Variants in ADH5 observed in about 807,000 individuals in gnomAD.
ADH5 encodes alcohol dehydrogenase 5 (class III), chi polypeptide, also known as alcohol dehydrogenase class-3.
ADH5 carries 32 observed loss-of-function variants against 40.3 expected under a neutral mutation model. That is an observed-to-expected ratio of 0.79 (90% CI 0.60 to 1.07). ADH5 has a LOEUF of 1.07. ADH5 is among the 50% of genes least tolerant of loss of function. The pLI, the probability that ADH5 is intolerant of heterozygous loss-of-function variation, is 0.00. For synonymous variants in ADH5, 125 were observed against 154.3 expected (o/e 0.81, Z 1.41); for missense variants, 353 against 460.5 (o/e 0.77, Z 2.14).
intron 1 of ADH5, among the ~76,000 whole-genome samples, chr4:99,087,347 A>C (rs540964081): frequency 8.0e-6 from 1 of 125,734 alleles, no homozygotes; most frequent in South Asian, 2.8e-4. Context: ...GCGCTATCGC[A>C]CTCCAGCCTG....
At chr4:99,081,922 C>T (rs1401324038) in intron 3 of ADH5, 53 bp downstream of exon 3, 1 of 1,593,910 alleles carries the variant, frequency 6.3e-7, no homozygotes, top group Non-Finnish European at 8.6e-7. Flanking sequence ...AAACAATTTC[C>T]CCATAGGAAT....
rs548975462 is a variant in ADH5, at chr4:99,072,059, C to T, written c.*358G>A. ...TTTCTGAGGTTTCAGACACCCACCA[C>T]TGCCCTGCTTCCTTTCCCTTTCCCT... is the stretch of plus-strand genomic sequence containing the variant. On this transcript the variant is annotated 3_prime_UTR_variant, in exon 9 of 9. Coordinates refer to ENST00000296412, the MANE Select transcript of ADH5 (RefSeq NM_000671.4). 9.4e-5 allele frequency: 20 copies of T among 212,036 alleles called. No homozygotes were observed. The highest frequency in any genetic ancestry group is 2.8e-5 in the Non-Finnish European group (3 of 108,006). The allele number at this position is 212,036 out of a possible 1,614,324, so 13.1% of individuals were successfully genotyped here.
In ADH5 at chr4:99,076,344, G is replaced by T. The variant is rs1727928801; in HGVS notation, c.773C>A (p.Thr258Asn). The T allele has an allele frequency of 4.3e-6, 7 of 1,613,886 alleles. No homozygotes were observed. The highest frequency in any genetic ancestry group is 5.9e-6 in the Non-Finnish European group (7 of 1,179,964). The stretch of plus-strand genomic sequence containing the variant: ...AAAGGAATAGTCCACTCCTCCATCG[G>T]TCATCTCAATGAGCACTTCCTGGAT... Reference protein sequence around the residue: ...KPIQEVLIEMTDGGVDYSFEC... With the variant: ...KPIQEVLIEMNDGGVDYSFEC... The change falls in exon 6 of 9, where the codon ACC becomes AAC. Residue 258 changes from threonine (T) to asparagine (N), a missense_variant. By Grantham distance (65) the Thr-to-Asn change is moderately conservative. Coordinates refer to ENST00000296412, the MANE Select transcript of ADH5 (RefSeq NM_000671.4).
At chr4:99,081,232 C>G in intron 4 of ADH5, 133 bp downstream of exon 4, 1 of 641,820 alleles carries the variant, frequency 1.6e-6, no homozygotes, top group Non-Finnish European at 2.7e-6. Context: ...GGGACTCAGT[C>G]CTTTGAACGT....
chr4:99,086,939 C>CTA (rs1728149714), intron 1 of ADH5, among the ~76,000 whole-genome samples: 1 of 64,268 alleles, frequency 1.6e-5, no homozygotes, highest in Non-Finnish European at 2.6e-5. Flanking sequence ...GACTGCGTCT[C>CTA]AAAAAAAAAA....
chr4:99,082,804 G>C lies in ADH5; in HGVS notation c.115-688C>G, dbSNP rs55686882. ...TGATTCTCCTGCTTCAGCCTTCTGA[G>C]TAGCTGGGACTGCAGGCGCGTACCA... On this transcript the variant is annotated intron_variant, in intron 2 of 8. Coordinates refer to ENST00000296412, the MANE Select transcript of ADH5 (RefSeq NM_000671.4). Among the ~76,000 whole-genome samples the C allele has an allele frequency of 6.9e-3, 1,053 of 152,262 alleles. 13 individuals carry two copies. The highest frequency in any genetic ancestry group is 0.024 in the African/African-American group (990 of 41,558).
At chr4:99,084,745 C>T (rs1162824709) in intron 2 of ADH5, among the ~76,000 whole-genome samples, 1 of 152,174 alleles carries the variant, frequency 6.6e-6, no homozygotes, top group Non-Finnish European at 1.5e-5. Context: ...AGAATAAGGA[C>T]CCCTTTCTGG....
intron 4 of ADH5, 87 bp from the exon 5 acceptor site, chr4:99,077,010 G>T: frequency 1.0e-6 from 1 of 955,946 alleles, no homozygotes; most frequent in Non-Finnish European, 1.5e-6. Context: ...ATAATGACCA[G>T]TAAATATTAA....
chr4:99,073,400 G>C (rs1034363572), intron 7 of ADH5, among the ~76,000 whole-genome samples: 3 of 152,102 alleles, frequency 2.0e-5, no homozygotes, highest in African/African-American at 7.2e-5. Context: ...GGATGGTCTC[G>C]ATCTCCTGAC....
At chr4:99,088,601 G>A in intron 1 of ADH5, 88 bp downstream of exon 1, 3 of 1,368,572 alleles carry the variant, frequency 2.2e-6, no homozygotes, top group South Asian at 1.6e-5. Flanking sequence ...TGGGCGCCGA[G>A]CCTCGCGCGC....
chr4:99,076,039 T>C lies in ADH5; in HGVS notation c.825+253A>G, dbSNP rs994640490. Reference sequence around the variant, plus strand: ...GATCATGCTCTGCACAACTGCTTTATTCTGTCTTTTCATTTCATGAGACAT... The same window carrying C: ...GATCATGCTCTGCACAACTGCTTTACTCTGTCTTTTCATTTCATGAGACAT... On this transcript the variant is annotated intron_variant, in intron 6 of 8. Transcript: ENST00000296412. 3.1e-5 allele frequency: 14 copies of C among 448,154 alleles called. 1 individual carries two copies. Among genetic ancestry groups the C allele is most frequent in the Non-Finnish European group, 8.1e-6 (2 of 247,282 alleles). 27.8% of individuals were successfully genotyped at this position (448,154 alleles called of 1,614,324 possible).
chr4:99,086,945 A>AAAAAT, intron 1 of ADH5, among the ~76,000 whole-genome samples: 1 of 149,844 alleles, frequency 6.7e-6, no homozygotes, highest in Non-Finnish European at 1.5e-5. Context: ...GTCTCAAAAA[A>AAAAAT]AAAAAAAAAA....
chr4:99,088,784 GC>G lies in ADH5; in HGVS notation c.-85del. 1 of 896,918 alleles carries G rather than the reference GC, an allele frequency of 1.1e-6. No individual in the cohort carries two copies. The allele number at this position is 896,918 out of a possible 1,614,324, so 55.6% of individuals were successfully genotyped here. On this transcript the variant is annotated 5_prime_UTR_variant, in exon 1 of 9. Transcript: ENST00000296412. ...GAGGCATGGGCGTGGCGAGCGCCTA[GC>G]GAGGGGGGCGGGGCGTGGGGGGGGC...
At chr4:99,086,916 G>T (rs1322896242) in intron 1 of ADH5, among the ~76,000 whole-genome samples, 1 of 129,726 alleles carries the variant, frequency 7.7e-6, no homozygotes, top group African/African-American at 3.2e-5. Flanking sequence ...CTCCAGCCTG[G>T]GTGACAGAGC....
Position 99,071,800 on chromosome 4 carries a change from C to G in ADH5, c.*617G>C, listed in dbSNP as rs1727839285. 6.6e-6 allele frequency: 1 copy of G among 152,288 alleles called. No homozygotes were observed. Among genetic ancestry groups the G allele is most frequent in the Non-Finnish European group, 1.5e-5 (1 of 68,104 alleles). 9.4% of individuals were successfully genotyped at this position (152,288 alleles called of 1,614,324 possible). ...CTAGAAATAGTACAGTCACAACCAA[C>G]ACATACATACACCTATTTAAGCCCA... On this transcript the variant is annotated 3_prime_UTR_variant, in exon 9 of 9. Coordinates refer to ENST00000296412, the MANE Select transcript of ADH5 (RefSeq NM_000671.4).
chr4:99,079,423 TCA>T (rs1649273481), intron 4 of ADH5, among the ~76,000 whole-genome samples: 1 of 22,634 alleles, frequency 4.4e-5, no homozygotes, highest in Non-Finnish European at 7.9e-5. Context: ...TTATACAAGG[TCA>T]CAGTGAAAGG....
intron 1 of ADH5, among the ~76,000 whole-genome samples, chr4:99,088,462 G>A (rs896280499): frequency 6.7e-5 from 4 of 59,606 alleles, no homozygotes; most frequent in Admixed American, 2.2e-4. Context: ...ACCCCGTTCC[G>A]ACTGTCCCAG....
At chr4:99,074,487 A>C (rs1455889433) in intron 7 of ADH5, among the ~76,000 whole-genome samples, 2 of 152,210 alleles carry the variant, frequency 1.3e-5, no homozygotes, top group Non-Finnish European at 2.9e-5. Context: ...TCAGACAGAT[A>C]TATGATCACA....
chr4:99,076,091 G>T, intron 6 of ADH5: 2 of 579,174 alleles, frequency 3.5e-6, no homozygotes, highest in South Asian at 2.1e-5. Flanking sequence ...GAAAGGCAAA[G>T]AAACATCTTT....
Sources: gnomAD v4.1 joint callset for allele counts (sites outside exome capture counted in the v4.1 genomes callset) on GRCh38, gnomAD v4.1.1 for gene constraint, MANE v1.5 for transcripts, NCBI Gene and HGNC (gene_info 2026-07-23, HGNC 2026-07-21) for gene names.